GRIA4: variants seen among roughly 807,000 people sequenced by gnomAD.
GRIA4 encodes the protein glutamate ionotropic receptor AMPA type subunit 4, also known as glutamate receptor 4.
Under a neutral mutation model 104.0 loss-of-function variants are expected in GRIA4, and 34 were observed. The observed-to-expected ratio is 0.33, with a 90% CI of 0.25 to 0.44. The LOEUF is 0.44. GRIA4 is among the 20% of genes least tolerant of loss of function. GRIA4 has a pLI of 1.00. For synonymous variants in GRIA4, 386 were observed against 381.9 expected (o/e 1.01, Z -0.13); for missense variants, 750 against 1,096.5 (o/e 0.68, Z 4.46).
chr11:105,650,707 T>C (rs559447250), intron 3 of GRIA4, among the ~76,000 whole-genome samples: 18 of 152,268 alleles, frequency 1.2e-4, no homozygotes, highest in African/African-American at 4.3e-4. Context: ...TGGTCTAGTG[T>C]AGGGCAAAGG....
At chr11:105,800,855 A>G (rs1264338944) in intron 4 of GRIA4, among the ~76,000 whole-genome samples, 3 of 151,994 alleles carry the variant, frequency 2.0e-5, no homozygotes, top group African/African-American at 7.2e-5. Context: ...TCTTCCATGA[A>G]TGAGCTTCTT....
At chr11:105,684,657 TA>T (rs1368369206) in intron 3 of GRIA4, among the ~76,000 whole-genome samples, 1 of 148,662 alleles carries the variant, frequency 6.7e-6, no homozygotes, top group Admixed American at 6.7e-5. Flanking sequence ...TATATGTATT[TA>T]AATCAGTCTT....
chr11:105,690,003 T>C (rs191268119), intron 3 of GRIA4, among the ~76,000 whole-genome samples: 15 of 152,354 alleles, frequency 9.8e-5, no homozygotes, highest in African/African-American at 3.6e-4. Context: ...TGCTTATCCT[T>C]ATACCTTAGC....
At chr11:105,930,103 G>T (rs1010393310) in intron 13 of GRIA4, among the ~76,000 whole-genome samples, 1 of 152,034 alleles carries the variant, frequency 6.6e-6, no homozygotes, top group Non-Finnish European at 1.5e-5. Flanking sequence ...TTGATACAGA[G>T]ACCTACTGGG....
intron 4 of GRIA4, among the ~76,000 whole-genome samples, chr11:105,853,568 T>G (rs72991087): frequency 0.052 from 7,971 of 152,250 alleles, 222 homozygotes; most frequent in Non-Finnish European, 0.054. Flanking sequence ...GTCAGTAATA[T>G]TACTTATTAT....
At chr11:105,694,187 T>C (rs575932584) in intron 3 of GRIA4, among the ~76,000 whole-genome samples, 54 of 151,746 alleles carry the variant, frequency 3.6e-4, no homozygotes, top group African/African-American at 1.3e-3. Flanking sequence ...TCTCACTCTG[T>C]CATTCAGGCT....
chr11:105,820,402 C>T (rs966356213), intron 4 of GRIA4, among the ~76,000 whole-genome samples: 5 of 152,094 alleles, frequency 3.3e-5, no homozygotes, highest in African/African-American at 1.2e-4. Flanking sequence ...CATAACCCTT[C>T]CTCAAACATG....
chr11:105,664,794 T>C (rs1356813579), intron 3 of GRIA4, among the ~76,000 whole-genome samples: 1 of 152,020 alleles, frequency 6.6e-6, no homozygotes, highest in Non-Finnish European at 1.5e-5. Flanking sequence ...TTTTGCAGAT[T>C]GAGAAATATG....
At chr11:105,650,585 C>T (rs1158839048) in intron 3 of GRIA4, among the ~76,000 whole-genome samples, 1 of 152,090 alleles carries the variant, frequency 6.6e-6, no homozygotes, top group East Asian at 1.9e-4. Context: ...AGTTTAGATT[C>T]TAATCAAAGT....
At chr11:105,669,389 C>T (rs980221302) in intron 3 of GRIA4, among the ~76,000 whole-genome samples, 36 of 151,404 alleles carry the variant, frequency 2.4e-4, no homozygotes, top group Non-Finnish European at 4.1e-4. Flanking sequence ...TATATCATGT[C>T]ATATATATAT....
At chr11:105,921,309 G>GTT (rs1267141720) in intron 11 of GRIA4, among the ~76,000 whole-genome samples, 1 of 99,612 alleles carries the variant, frequency 1.0e-5, no homozygotes, top group Admixed American at 9.9e-5. Flanking sequence ...ACACTTGGGT[G>GTT]TGTGTGTGTG....
chr11:105,752,687 G>C (rs185768878), intron 3 of GRIA4, among the ~76,000 whole-genome samples: 4 of 152,172 alleles, frequency 2.6e-5, no homozygotes, highest in African/African-American at 9.6e-5. Flanking sequence ...CATTATTATG[G>C]AAGGCCATAT....
intron 4 of GRIA4, among the ~76,000 whole-genome samples, chr11:105,767,958 A>G (rs1332040059): frequency 6.6e-6 from 1 of 152,148 alleles, no homozygotes; most frequent in East Asian, 1.9e-4. Flanking sequence ...TAGTAGAGTA[A>G]GCAGGTCCTA....
intron 4 of GRIA4, among the ~76,000 whole-genome samples, chr11:105,846,494 T>A (rs1944601449): frequency 6.6e-6 from 1 of 152,152 alleles, no homozygotes; most frequent in Non-Finnish European, 1.5e-5. Context: ...TACATATATG[T>A]AATTCACACA....
intron 4 of GRIA4, among the ~76,000 whole-genome samples, chr11:105,755,927 A>T (rs1228083425): frequency 6.6e-6 from 1 of 152,172 alleles, no homozygotes; most frequent in Non-Finnish European, 1.5e-5. Flanking sequence ...TTGGACTAAG[A>T]CGTCATTGCC....
chr11:105,656,208 A>T (rs193040833), intron 3 of GRIA4, among the ~76,000 whole-genome samples: 1 of 152,152 alleles, frequency 6.6e-6, no homozygotes, highest in Admixed American at 6.6e-5. Context: ...CGTTTAAATT[A>T]TTTGTAGATT....
intron 3 of GRIA4, among the ~76,000 whole-genome samples, chr11:105,623,051 T>TTG (rs1950790621): frequency 5.4e-5 from 5 of 91,784 alleles, no homozygotes; most frequent in Non-Finnish European, 8.7e-5. Flanking sequence ...TAGTATTCCA[T>TTG]TGTATATATA....
At chr11:105,818,972 C>T (rs1943481926) in intron 4 of GRIA4, among the ~76,000 whole-genome samples, 1 of 152,114 alleles carries the variant, frequency 6.6e-6, no homozygotes, top group African/African-American at 2.4e-5. Flanking sequence ...CATGACCACA[C>T]CTTTTATACA....
At chr11:105,634,964 T>C (rs1376304412) in intron 3 of GRIA4, among the ~76,000 whole-genome samples, 2 of 152,208 alleles carry the variant, frequency 1.3e-5, no homozygotes, top group East Asian at 3.9e-4. Context: ...TTGAGGATTA[T>C]GGATACCTTT....
Sources: allele counts gnomAD v4.1 joint callset (sites outside exome capture counted in the v4.1 genomes callset), GRCh38; gene constraint gnomAD v4.1.1; transcripts MANE v1.5; gene names NCBI Gene and HGNC (gene_info 2026-07-23, HGNC 2026-07-21).